The following JAKMIP1 variants were observed in gnomAD, a reference collection of about 807,000 sequenced individuals.
JAKMIP1 encodes the protein janus kinase and microtubule-interacting protein 1.
A neutral mutation model predicts 113.0 loss-of-function variants in JAKMIP1; 33 were observed. The ratio of observed to expected loss-of-function variants is 0.29; its 90% CI spans 0.22 to 0.39. The LOEUF is 0.39. Among genes scored for constraint, JAKMIP1 ranks in the 10% least tolerant of loss-of-function variants. The probability of loss-of-function intolerance (pLI) is 1.00; values close to 1 mark genes in which losing one functional copy is unlikely to be tolerated. For missense variants in JAKMIP1, 813 were observed against 1,080.5 expected, an observed-to-expected ratio of 0.75 and a Z score of 3.47; for synonymous variants, 480 against 459.9, an observed-to-expected ratio of 1.04 and a Z score of -0.56.
chr4:6,170,835 C>T (rs118200270), intron 1 of JAKMIP1, among the ~76,000 whole-genome samples: 1 of 83,452 alleles, frequency 1.2e-5, no homozygotes, highest in Non-Finnish European at 3.1e-5. Flanking sequence ...AACCACCACA[C>T]CACCACCACC....
intron 1 of JAKMIP1, among the ~76,000 whole-genome samples, chr4:6,191,443 T>G (rs1016949761): frequency 6.6e-6 from 1 of 152,228 alleles, no homozygotes; most frequent in Admixed American, 6.5e-5. Context: ...TAAGCTGCTG[T>G]GGGCAAAGAC....
chr4:6,028,806 C>T (rs963650295), intron 20 of JAKMIP1, among the ~76,000 whole-genome samples: 2 of 152,228 alleles, frequency 1.3e-5, no homozygotes, highest in African/African-American at 4.8e-5. Context: ...AGCGGCTCTC[C>T]ATCTTGTTGC....
At chr4:6,084,815 G>T in intron 5 of JAKMIP1, 31 bp downstream of exon 5, 1 of 1,605,026 alleles carries the variant, frequency 6.2e-7, no homozygotes, top group East Asian at 2.2e-5. Context: ...TGCACCCTAT[G>T]AGGCACCGCC....
At position 6,097,488 on chromosome 4, in the gene JAKMIP1, CT is replaced by C. The variant is rs1377114808; in HGVS notation, c.624+7984del. Among the ~76,000 whole-genome samples the C allele has an allele frequency of 6.6e-6, 1 of 152,124 alleles. No individual in the cohort carries two copies. Among genetic ancestry groups the C allele is most frequent in the African/African-American group, 2.4e-5 (1 of 41,436 alleles). The stretch of plus-strand genomic sequence containing the variant: ...GGGATCTTTTTTCCCCTTGGGTATG[CT>C]AAATACACTGCGTTGTACACCTGCA... On this transcript the variant is annotated intron_variant, in intron 3 of 20. Transcript: ENST00000409021. The surrounding 1 kb of genome is among the most constrained non-coding windows in gnomAD (Gnocchi z 4.3).
chr4:6,127,894 G>A (rs1315734753), intron 1 of JAKMIP1, among the ~76,000 whole-genome samples: 3 of 152,154 alleles, frequency 2.0e-5, no homozygotes, highest in African/African-American at 4.8e-5. Flanking sequence ...CCGGGCACTC[G>A]GAAGCCCCCA....
rs575213419 is a variant in JAKMIP1 at position 6,138,954 on chromosome 4, G to A, written c.-147-25957C>T. 4.6e-5 allele frequency among the ~76,000 whole-genome samples: 7 copies of A among 152,214 alleles called. No individual in the cohort carries two copies. In the South Asian group the frequency reaches 1.2e-3, roughly 27 times the overall value. ...ATTCCTGGGCTTACTGAACTCTCAC[G>A]AGCCTTCATCTGGCTGGAATATGTC... is the stretch of plus-strand genomic sequence containing the variant. On this transcript the variant is annotated intron_variant, in intron 1 of 20. Transcript: ENST00000409021. The surrounding 1 kb of genome is among the most constrained non-coding windows in gnomAD (Gnocchi z 6.0).
At chr4:6,084,377 T>C (rs1365106293) in intron 5 of JAKMIP1, among the ~76,000 whole-genome samples, 1 of 152,154 alleles carries the variant, frequency 6.6e-6, no homozygotes, top group Non-Finnish European at 1.5e-5. Flanking sequence ...TGTATTATTG[T>C]TCTGTAAAAT....
At chr4:6,098,623 A>AAAG (rs1560180399) in intron 3 of JAKMIP1, among the ~76,000 whole-genome samples, 1 of 148,274 alleles carries the variant, frequency 6.7e-6, no homozygotes, top group Non-Finnish European at 1.5e-5. Context: ...AAGAAAAAGA[A>AAAG]AAAGAAAGAA....
At chr4:6,107,154 G>A (rs1351975829) in intron 2 of JAKMIP1, among the ~76,000 whole-genome samples, 1 of 152,188 alleles carries the variant, frequency 6.6e-6, no homozygotes, top group Non-Finnish European at 1.5e-5. Context: ...GCAGCAATCA[G>A]CATCTTTTCC....
chr4:6,183,601 C>T lies in JAKMIP1; in HGVS notation c.-148+16652G>A, dbSNP rs1726310213. On this transcript the variant is annotated intron_variant, in intron 1 of 20. Transcript: ENST00000409021. The surrounding 1 kb of genome is among the most constrained non-coding windows in gnomAD (Gnocchi z 5.3). ...CACCTTCCATGGAGTCCTGGTGCTC[C>T]TTGAAGATGTTTGGGAGGGCCAGGA... Among the ~76,000 whole-genome samples, 1 of 152,040 alleles carries T rather than the reference C, an allele frequency of 6.6e-6. No individual in the cohort carries two copies. Among genetic ancestry groups the T allele is most frequent in the African/African-American group, 2.4e-5 (1 of 41,412 alleles).
At position 6,064,958 on chromosome 4, in the gene JAKMIP1, T is replaced by C; in HGVS notation, c.1353A>G (p.Ser451=). ...TGTAGGATGTTTCGGACAACGTTTC[T>C]GAGTCCACAGACTCCTCATCAAATC... ...FFGFDEESVD[S]ETLSETSYNT... Residue 451 remains serine, a synonymous_variant, in exon 9 of 21, where the codon TCA becomes TCG. Coordinates refer to ENST00000409021, the MANE Select transcript of JAKMIP1 (RefSeq NM_001099433.2). The surrounding 1 kb of genome is among the most constrained non-coding windows in gnomAD (Gnocchi z 4.3). 3.1e-6 allele frequency: 5 copies of C among 1,614,178 alleles called. No individual in the cohort carries two copies. Among genetic ancestry groups the C allele is most frequent in the Non-Finnish European group, 4.2e-6 (5 of 1,180,024 alleles).
intron 8 of JAKMIP1, among the ~76,000 whole-genome samples, chr4:6,071,742 CGG>C (rs1718987012): frequency 6.6e-6 from 1 of 152,198 alleles, no homozygotes; most frequent in Non-Finnish European, 1.5e-5. Context: ...CCGGCACAGA[CGG>C]TGTGTGTGCT....
rs1719304596 is a variant in JAKMIP1 at position 6,136,764 on chromosome 4, G to A, written c.-147-23767C>T. Among the ~76,000 whole-genome samples, 1 of 152,186 alleles carries A rather than the reference G, an allele frequency of 6.6e-6. No individual in the cohort carries two copies. Among genetic ancestry groups the A allele is most frequent in the Non-Finnish European group, 1.5e-5 (1 of 68,042 alleles). On this transcript the variant is annotated intron_variant, in intron 1 of 20. Coordinates refer to ENST00000409021, the MANE Select transcript of JAKMIP1 (RefSeq NM_001099433.2). This position sits in a 1 kb window ranked among gnomAD's most constrained non-coding sequence, Gnocchi z 5.9. Reference sequence around the variant, plus strand: ...ACTTCCTCCCTGTCCAGTCCAGCCAGCTGACCACAACCCACATCGTGGGGG... The same window carrying A: ...ACTTCCTCCCTGTCCAGTCCAGCCAACTGACCACAACCCACATCGTGGGGG...
chr4:6,029,809 AAAAGTAAG>A, intron 19 of JAKMIP1, 28 bp from the exon 20 acceptor site: 1 of 1,523,620 alleles, frequency 6.6e-7, no homozygotes. Context: ...ACGTGTCAGA[AAAAGTAAG>A]TTTTCCAGGT....
In JAKMIP1 at chr4:6,156,141, C is replaced by G. The variant is rs1400732473; in HGVS notation, c.-147-43144G>C. 6.6e-6 allele frequency among the ~76,000 whole-genome samples: 1 copy of G among 152,208 alleles called. No homozygotes were observed. The highest frequency in any genetic ancestry group is 2.4e-5 in the African/African-American group (1 of 41,464). The stretch of plus-strand genomic sequence containing the variant: ...AAATACCTGACCCATCTGTGTGTTT[C>G]TTGGGAGCAGAGACCGGGAACATCT... On this transcript the variant is annotated intron_variant, in intron 1 of 20. Coordinates refer to ENST00000409021, the MANE Select transcript of JAKMIP1 (RefSeq NM_001099433.2). This position sits in a 1 kb window ranked among gnomAD's most constrained non-coding sequence, Gnocchi z 5.0.
rs546689537 is a variant in JAKMIP1, at chr4:6,027,964, C to T, written c.2446-1686G>A. Among the ~76,000 whole-genome samples the T allele has an allele frequency of 9.2e-5, 14 of 152,334 alleles. No individual in the cohort carries two copies. In the South Asian group the frequency reaches 1.4e-3, roughly 16 times the overall value. On this transcript the variant is annotated intron_variant, in intron 20 of 20. Transcript: ENST00000409021. Reference sequence around the variant, plus strand: ...GAAGAACCGGTGCTGCCAGTCCACACGCCTTGCCTGGGCCCTGGGCTGCGA... The same window carrying T: ...GAAGAACCGGTGCTGCCAGTCCACATGCCTTGCCTGGGCCCTGGGCTGCGA...
chr4:6,095,159 G>T (rs1158695996), intron 3 of JAKMIP1, among the ~76,000 whole-genome samples: 1 of 148,354 alleles, frequency 6.7e-6, no homozygotes, highest in African/African-American at 2.5e-5. Context: ...AAGGAGCAAA[G>T]GAAGGAAGAA....
In JAKMIP1 at chr4:6,072,899, T is replaced by C. The variant is rs571623053; in HGVS notation, c.1302+6040A>G. On this transcript the variant is annotated intron_variant, in intron 8 of 20. Coordinates refer to ENST00000409021, the MANE Select transcript of JAKMIP1 (RefSeq NM_001099433.2). ...TTCGAGACCAGCCTGGCCAATATGG[T>C]GAAACCCTGTCTCTACTAAAAATAC... Among the ~76,000 whole-genome samples the C allele has an allele frequency of 7.9e-5, 12 of 151,982 alleles. No individual in the cohort carries two copies. In the South Asian group the frequency reaches 2.5e-3, roughly 32 times the overall value.
Position 6,179,804 on chromosome 4 carries a change from G to A in JAKMIP1, c.-148+20449C>T, listed in dbSNP as rs1725810978. On this transcript the variant is annotated intron_variant, in intron 1 of 20. Coordinates refer to ENST00000409021, the MANE Select transcript of JAKMIP1 (RefSeq NM_001099433.2). The surrounding 1 kb of genome is among the most constrained non-coding windows in gnomAD (Gnocchi z 4.5). ...TCCTCAAAGCCTCCTTGTAAAACAG[G>A]TAGCAATATTATCCCCATATGACAG... Among the ~76,000 whole-genome samples the A allele has an allele frequency of 6.6e-6, 1 of 152,330 alleles. No individual in the cohort carries two copies. Among genetic ancestry groups the A allele is most frequent in the East Asian group, 1.9e-4 (1 of 5,184 alleles).
Sources: gnomAD v4.1 joint callset for allele counts (sites outside exome capture counted in the v4.1 genomes callset) on GRCh38, gnomAD v4.1.1 for gene constraint, Gnocchi (gnomAD v3.1) non-coding constraint, MANE v1.5 for transcripts, NCBI Gene and HGNC (gene_info 2026-07-23, HGNC 2026-07-21) for gene names.